Variants in MTG2 observed in about 807,000 individuals in gnomAD.
MTG2 encodes the protein mitochondrial ribosome associated GTPase 2.
A neutral mutation model predicts 28.6 loss-of-function variants in MTG2; 23 were observed. That is an observed-to-expected ratio of 0.80 (90% confidence interval 0.58 to 1.14). The LOEUF is 1.14. Among genes scored for constraint, MTG2 ranks in the 50% most tolerant of loss-of-function variants. The pLI is 0.00. For missense variants in MTG2, 539 were observed against 552.0 expected (o/e 0.98, Z 0.24); for synonymous variants, 260 against 251.8 (o/e 1.03, Z -0.31).
chr20:62,191,593 G>A (rs968524259), intron 1 of MTG2, among the ~76,000 whole-genome samples: 1 of 152,186 alleles, frequency 6.6e-6, no homozygotes, highest in African/African-American at 2.4e-5. Flanking sequence ...TGAGGCTGGG[G>A]AGAGGGAGGC....
Position 62,198,130 on chromosome 20 carries a change from C to A in MTG2, c.468+163C>A, listed in dbSNP as rs1313213314. 3 of 612,226 alleles carry A rather than the reference C, an allele frequency of 4.9e-6. No homozygotes were observed. In the East Asian group the frequency reaches 8.3e-5, roughly 17 times the overall value. The allele number at this position is 612,226 out of a possible 1,614,324, so 37.9% of individuals were successfully genotyped here. A position where few individuals can be genotyped will look rare whatever the true frequency, so the allele number is the denominator to read the frequency against. On this transcript the variant is annotated intron_variant, in intron 4 of 6. Coordinates refer to ENST00000370823, the MANE Select transcript of MTG2 (RefSeq NM_015666.4). ...GCAGACAGCGGGAAAGCAGCCCCAC[C>A]CCTCAAAGCAAACCCAGACGGGCAT...
At chr20:62,198,061 T>A (rs1403127342) in intron 4 of MTG2, 94 bp downstream of exon 4, 2 of 980,324 alleles carry the variant, frequency 2.0e-6, no homozygotes, top group Non-Finnish European at 3.1e-6. Flanking sequence ...CCCCTGTGGC[T>A]TGATGCCCAC....
intron 1 of MTG2, among the ~76,000 whole-genome samples, chr20:62,186,534 T>TG (rs1214672723): frequency 5.5e-5 from 8 of 145,856 alleles, no homozygotes; most frequent in African/African-American, 1.8e-4. Flanking sequence ...TTTTGTTTTT[T>TG]TTTTTTTTTT....
At chr20:62,184,010 C>T (rs1414870733) in intron 1 of MTG2, among the ~76,000 whole-genome samples, 1 of 152,200 alleles carries the variant, frequency 6.6e-6, no homozygotes, top group Non-Finnish European at 1.5e-5. Context: ...GTGACTGAAC[C>T]TCTGTGAGTC....
chr20:62,199,692 CTTTT>C (rs576466526), intron 6 of MTG2, among the ~76,000 whole-genome samples: 2 of 90,628 alleles, frequency 2.2e-5, no homozygotes, highest in Non-Finnish European at 4.0e-5. Context: ...ATGTAAACAA[CTTTT>C]TTTTTTTTTT....
At chr20:62,195,366 C>T (rs2058039983) in intron 2 of MTG2, among the ~76,000 whole-genome samples, 1 of 152,184 alleles carries the variant, frequency 6.6e-6, no homozygotes, top group Non-Finnish European at 1.5e-5. Context: ...ATTTCTCTAT[C>T]GCATCCTGGG....
chr20:62,190,302 C>A (rs746208319), intron 1 of MTG2, among the ~76,000 whole-genome samples: 1 of 152,206 alleles, frequency 6.6e-6, no homozygotes, highest in Non-Finnish European at 1.5e-5. Flanking sequence ...TGGATTACTT[C>A]TGTGCGCGTT....
chr20:62,187,288 A>G (rs775825676), intron 1 of MTG2, among the ~76,000 whole-genome samples: 1 of 152,214 alleles, frequency 6.6e-6, no homozygotes, highest in Non-Finnish European at 1.5e-5. Flanking sequence ...ATCTATATTC[A>G]TGAGGGGTAT....
chr20:62,183,478 A>G (rs2057765641), intron 1 of MTG2, among the ~76,000 whole-genome samples: 1 of 152,262 alleles, frequency 6.6e-6, no homozygotes, highest in African/African-American at 2.4e-5. Flanking sequence ...ATACAGTTGC[A>G]CAAAACAACA....
intron 1 of MTG2, among the ~76,000 whole-genome samples, chr20:62,186,282 G>C (rs2057843153): frequency 6.6e-6 from 1 of 152,204 alleles, no homozygotes; most frequent in Non-Finnish European, 1.5e-5. Context: ...TATGAGGACT[G>C]AATGAGTTAA....
At chr20:62,191,266 T>C (rs1397149930) in intron 1 of MTG2, among the ~76,000 whole-genome samples, 2 of 151,902 alleles carry the variant, frequency 1.3e-5, no homozygotes, top group African/African-American at 4.8e-5. Flanking sequence ...GCAGCCGGGA[T>C]AGGGACGCAG....
chr20:62,187,458 C>T (rs563822046), intron 1 of MTG2, among the ~76,000 whole-genome samples: 9 of 152,054 alleles, frequency 5.9e-5, no homozygotes, highest in Non-Finnish European at 8.8e-5. Flanking sequence ...GAAAACAAGC[C>T]GAGCTAGAGT....
chr20:62,184,450 A>G (rs1464830503), intron 1 of MTG2, among the ~76,000 whole-genome samples: 1 of 152,246 alleles, frequency 6.6e-6, no homozygotes, highest in Non-Finnish European at 1.5e-5. Context: ...GGCAGAGTGC[A>G]GGTTAATGAC....
chr20:62,196,973 G>A (rs757057583), intron 3 of MTG2, among the ~76,000 whole-genome samples: 14 of 151,828 alleles, frequency 9.2e-5, no homozygotes, highest in East Asian at 1.9e-4. Flanking sequence ...CAGAGGTTGC[G>A]GTGAGCTGAG....
In MTG2 at chr20:62,203,066, A is replaced by C. The variant is rs111370659; in HGVS notation, c.*1989A>C. 6.6e-6 allele frequency: 1 copy of C among 152,162 alleles called. No homozygotes were observed. Among genetic ancestry groups the C allele is most frequent in the Non-Finnish European group, 1.5e-5 (1 of 68,036 alleles). The allele number at this position is 152,162 out of a possible 1,614,324, so 9.4% of individuals were successfully genotyped here. On this transcript the variant is annotated 3_prime_UTR_variant, in exon 7 of 7. Transcript: ENST00000370823. ...GAAACCAGAGATGGGTTTTGCATCT[A>C]TTTGCTTTTTCTTTCAGGCCGCCAC...
intron 1 of MTG2, among the ~76,000 whole-genome samples, chr20:62,185,249 T>C (rs1025686823): frequency 5.9e-5 from 9 of 151,306 alleles, no homozygotes; most frequent in Non-Finnish European, 1.3e-4. Context: ...CTGTCTCTAC[T>C]AAAAATACAA....
rs945995308 is a variant in MTG2 at position 62,200,683 on chromosome 20, T to C, written c.827T>C (p.Val276Ala). The C allele has an allele frequency of 6.2e-7, 1 of 1,603,206 alleles. No individual in the cohort carries two copies. Among genetic ancestry groups the C allele is most frequent in the Non-Finnish European group, 8.5e-7 (1 of 1,174,836 alleles). ...TCGTGTGCCCCTGTCTTCCCTGCAG[T>C]GGCCGACATCCCCGGCATCATACGA... is the stretch of plus-strand genomic sequence containing the variant. ...VHYEGHLQIAVADIPGIIRGA... is the reference protein window; with the variant it reads ...VHYEGHLQIAAADIPGIIRGA... Residue 276 changes from valine (V) to alanine (A), a missense_variant and splice_region_variant, in exon 7 of 7, where the codon GTG becomes GCG. Val to Ala is a moderately conservative substitution (Grantham distance 64). Transcript: ENST00000370823.
Position 62,201,121 on chromosome 20 carries a change from C to T in MTG2, c.*44C>T. On this transcript the variant is annotated 3_prime_UTR_variant, in exon 7 of 7. Transcript: ENST00000370823. ...GCCTCTGGGCCTCTGTCTGAGCAAA[C>T]CTGGGTGTGAATTCGGTGGTTTTGA... is the stretch of plus-strand genomic sequence containing the variant. 1 of 1,523,514 alleles carries T rather than the reference C, an allele frequency of 6.6e-7. No individual in the cohort carries two copies. Among genetic ancestry groups the T allele is most frequent in the Non-Finnish European group, 8.8e-7 (1 of 1,142,600 alleles). 94.4% of individuals were successfully genotyped at this position (1,523,514 alleles called of 1,614,324 possible).
intron 1 of MTG2, among the ~76,000 whole-genome samples, chr20:62,193,008 A>G (rs1426867577): frequency 1.3e-5 from 2 of 152,166 alleles, no homozygotes; most frequent in Admixed American, 1.3e-4. Context: ...GTTCCAATGT[A>G]ACAACTTTAA....
Sources: gnomAD v4.1 joint callset for allele counts (sites outside exome capture counted in the v4.1 genomes callset) on GRCh38, gnomAD v4.1.1 for gene constraint, MANE v1.5 for transcripts, NCBI Gene and HGNC (gene_info 2026-07-23, HGNC 2026-07-21) for gene names.